The following CNTNAP5 variants were observed in gnomAD, a reference collection of about 807,000 sequenced individuals.
CNTNAP5 encodes contactin-associated protein-like 5.
In CNTNAP5, 72 loss-of-function variants were observed where a neutral mutation model predicts 150.2. That is an observed-to-expected ratio of 0.48 (90% CI 0.40 to 0.58). The LOEUF (loss-of-function observed/expected upper bound fraction) is 0.58, where lower values mean the gene tolerates loss of function less well. Among genes scored for constraint, CNTNAP5 ranks in the 20% least tolerant of loss-of-function variants. CNTNAP5 has a pLI of 0.00. For synonymous variants in CNTNAP5, 672 were observed against 619.8 expected, an observed-to-expected ratio of 1.08 and a Z score of -1.25; for missense variants, 1,636 against 1,626.2, an observed-to-expected ratio of 1.01 and a Z score of -0.10.
At chr2:124,044,762 G>A (rs1227526965) in intron 1 of CNTNAP5, among the ~76,000 whole-genome samples, 1 of 152,074 alleles carries the variant, frequency 6.6e-6, no homozygotes, top group African/African-American at 2.4e-5. Flanking sequence ...GATGGTGGAT[G>A]CTGTGAAATG....
intron 10 of CNTNAP5, among the ~76,000 whole-genome samples, chr2:124,548,359 G>A (rs1695559622): frequency 6.6e-6 from 1 of 152,162 alleles, no homozygotes; most frequent in Admixed American, 6.5e-5. Flanking sequence ...CGTGGCTTAG[G>A]ATCTCTCTGC....
intron 4 of CNTNAP5, among the ~76,000 whole-genome samples, chr2:124,423,742 G>A (rs1474022532): frequency 6.6e-5 from 8 of 121,058 alleles, no homozygotes; most frequent in Non-Finnish European, 1.3e-4. Context: ...GCGGCTCACT[G>A]CAAGCTCCGC....
intron 1 of CNTNAP5, among the ~76,000 whole-genome samples, chr2:124,152,550 G>T (rs1684431009): frequency 1.3e-5 from 2 of 152,132 alleles, no homozygotes; most frequent in African/African-American, 4.8e-5. Context: ...AATTAAAATT[G>T]ATATATTTTT....
intron 16 of CNTNAP5, among the ~76,000 whole-genome samples, chr2:124,771,425 AC>A (rs146652480): frequency 0.012 from 1,902 of 152,264 alleles, 36 homozygotes; most frequent in African/African-American, 0.043. Flanking sequence ...ATCGTGAAGA[AC>A]CCTGCCTGTG....
At chr2:124,427,479 C>T (rs948519899) in intron 4 of CNTNAP5, among the ~76,000 whole-genome samples, 10 of 151,838 alleles carry the variant, frequency 6.6e-5, no homozygotes, top group African/African-American at 2.4e-4. Context: ...TATTTTGAGA[C>T]AGAGTTTCCC....
chr2:124,588,184 CTTT>C (rs1696592784), intron 11 of CNTNAP5, among the ~76,000 whole-genome samples: 2 of 115,094 alleles, frequency 1.7e-5, no homozygotes, highest in Non-Finnish European at 1.8e-5. Context: ...TTCCTTCTTT[CTTT>C]CTTTCTTTCT....
chr2:124,283,285 A>G (rs1041459592), intron 3 of CNTNAP5, among the ~76,000 whole-genome samples: 4 of 152,004 alleles, frequency 2.6e-5, no homozygotes, highest in Admixed American at 6.5e-5. Flanking sequence ...ATTATGTGGA[A>G]CTGCTCCTCA....
chr2:124,617,745 T>G (rs1198745782), intron 12 of CNTNAP5, among the ~76,000 whole-genome samples: 2 of 152,128 alleles, frequency 1.3e-5, no homozygotes, highest in African/African-American at 4.8e-5. Context: ...TTCAGTCTTC[T>G]TCACAGACTA....
intron 1 of CNTNAP5, among the ~76,000 whole-genome samples, chr2:124,058,819 G>A (rs1464160248): frequency 2.0e-5 from 3 of 152,118 alleles, no homozygotes; most frequent in African/African-American, 4.8e-5. Context: ...TCCAGTCCTT[G>A]CATGGGAGGT....
chr2:124,033,701 C>A (rs544649870), intron 1 of CNTNAP5, among the ~76,000 whole-genome samples: 3 of 152,168 alleles, frequency 2.0e-5, no homozygotes, highest in African/African-American at 7.2e-5. Context: ...CCACAGGGAA[C>A]CTGGGAAGGC....
intron 13 of CNTNAP5, among the ~76,000 whole-genome samples, chr2:124,680,241 T>G (rs2105067749): frequency 6.6e-6 from 1 of 151,998 alleles, no homozygotes; most frequent in Non-Finnish European, 1.5e-5. Context: ...CAGGCCAGGT[T>G]AGGTTCCTCC....
chr2:124,328,899 A>G (rs1689283208), intron 3 of CNTNAP5, among the ~76,000 whole-genome samples: 1 of 152,192 alleles, frequency 6.6e-6, no homozygotes, highest in Admixed American at 6.5e-5. Flanking sequence ...TAGACAGGTT[A>G]AAAGGAGAAA....
intron 3 of CNTNAP5, among the ~76,000 whole-genome samples, chr2:124,271,775 C>T (rs1412087829): frequency 6.6e-6 from 1 of 151,838 alleles, no homozygotes; most frequent in Non-Finnish European, 1.5e-5. Flanking sequence ...AGTGCATTGG[C>T]ACGATCTCGG....
At chr2:124,836,348 C>T (rs1178904714) in intron 19 of CNTNAP5, among the ~76,000 whole-genome samples, 2 of 152,126 alleles carry the variant, frequency 1.3e-5, no homozygotes, top group Admixed American at 1.3e-4. Context: ...ATCATAATGT[C>T]ATCTAAAAAT....
chr2:124,312,646 C>T (rs1688860497), intron 3 of CNTNAP5, among the ~76,000 whole-genome samples: 2 of 152,244 alleles, frequency 1.3e-5, no homozygotes, highest in South Asian at 4.1e-4. Context: ...CCTCGGCTCA[C>T]TGCAAGCTCC....
intron 1 of CNTNAP5, among the ~76,000 whole-genome samples, chr2:124,065,014 T>G (rs980374): frequency 0.29 from 44,569 of 152,098 alleles, 6,849 homozygotes; most frequent in Admixed American, 0.37. Context: ...TAATTCTTTT[T>G]ATTTTTGTAG....
At chr2:124,095,336 G>T (rs1682909734) in intron 1 of CNTNAP5, among the ~76,000 whole-genome samples, 1 of 152,172 alleles carries the variant, frequency 6.6e-6, no homozygotes, top group Non-Finnish European at 1.5e-5. Context: ...ACACACTGGG[G>T]CCTGTCATGG....
chr2:124,818,102 T>A (rs1682404099), intron 19 of CNTNAP5, among the ~76,000 whole-genome samples: 1 of 152,150 alleles, frequency 6.6e-6, no homozygotes, highest in Non-Finnish European at 1.5e-5. Flanking sequence ...TATGCTGGGA[T>A]ATATGACATG....
At chr2:124,718,829 C>T (rs141702727) in intron 13 of CNTNAP5, among the ~76,000 whole-genome samples, 6,550 of 152,006 alleles carry the variant, frequency 0.043, 504 homozygotes, top group African/African-American at 0.15. Context: ...CCTGTAGTCC[C>T]AGCTACTCGG....
Sources: allele counts gnomAD v4.1 joint callset (sites outside exome capture counted in the v4.1 genomes callset), GRCh38; gene constraint gnomAD v4.1.1; transcripts MANE v1.5; gene names NCBI Gene and HGNC (gene_info 2026-07-23, HGNC 2026-07-21).